The following IFNAR1 variants were observed in gnomAD, a reference collection of about 807,000 sequenced individuals.
IFNAR1 encodes the protein interferon alpha and beta receptor subunit 1, also known as interferon alpha/beta receptor 1.
Under a neutral mutation model 62.1 loss-of-function variants are expected in IFNAR1, and 47 were observed. The ratio of observed to expected loss-of-function variants is 0.76; its 90% CI spans 0.60 to 0.97. IFNAR1 has a LOEUF of 0.97. Ranked by LOEUF, IFNAR1 falls within the 50% of genes least tolerant of loss-of-function variation. The probability of loss-of-function intolerance (pLI) is 0.00; values close to 1 mark genes in which losing one functional copy is unlikely to be tolerated. For missense variants in IFNAR1, 638 were observed against 654.5 expected (o/e 0.97, Z 0.27); for synonymous variants, 219 against 226.9 (o/e 0.97, Z 0.31).
Position 33,341,002 on chromosome 21 carries a change from T to C in IFNAR1, c.204T>C (p.Thr68=), listed in dbSNP as rs1035167090. ...NVTFSFDYQK[T]GMDNWIKLSG... ...ATTTGTTTTTTTTACTTTAAAGAACTGGGATGGATAATTGGATAAAATTGT... is the reference window on the plus strand; with the variant it reads ...ATTTGTTTTTTTTACTTTAAAGAACCGGGATGGATAATTGGATAAAATTGT... Residue 68 remains threonine, a synonymous_variant, in exon 3 of 11, where the codon ACT becomes ACC. Coordinates refer to ENST00000270139, the MANE Select transcript of IFNAR1 (RefSeq NM_000629.3). 2 of 1,600,642 alleles carry C rather than the reference T, an allele frequency of 1.2e-6. No individual in the cohort carries two copies. The highest frequency in any genetic ancestry group is 1.3e-5 in the African/African-American group (1 of 74,352).
At chr21:33,332,042 C>T (rs2083186556) in intron 1 of IFNAR1, among the ~76,000 whole-genome samples, 1 of 152,144 alleles carries the variant, frequency 6.6e-6, no homozygotes, top group East Asian at 1.9e-4. Flanking sequence ...GAGCCTAGGA[C>T]CTTTGCCCAG....
intron 6 of IFNAR1, among the ~76,000 whole-genome samples, chr21:33,347,044 A>G (rs1231224083): frequency 6.6e-6 from 1 of 152,092 alleles, no homozygotes; most frequent in Non-Finnish European, 1.5e-5. Flanking sequence ...TCCCAAGCTC[A>G]CATGTTGTTG....
chr21:33,324,669 C>A (rs1349444430), upstream of IFNAR1: 1 of 215,290 alleles, frequency 4.6e-6, no homozygotes, highest in East Asian at 1.1e-4. Flanking sequence ...AAGGTCAAGG[C>A]CTCCTGTGAG....
At chr21:33,331,159 T>G (rs1040727991) in intron 1 of IFNAR1, among the ~76,000 whole-genome samples, 9 of 152,092 alleles carry the variant, frequency 5.9e-5, no homozygotes, top group Non-Finnish European at 1.2e-4. Flanking sequence ...CAAGCAGAGG[T>G]GGAACTACTC....
rs2083381784 is a variant in IFNAR1, at chr21:33,349,563, T to C, written c.1143+20T>C. The C allele has an allele frequency of 6.7e-7, 1 of 1,502,140 alleles. No individual in the cohort carries two copies. The highest frequency in any genetic ancestry group is 2.3e-5 in the East Asian group (1 of 44,026). 93.1% of individuals were successfully genotyped at this position (1,502,140 alleles called of 1,614,324 possible). A position where few individuals can be genotyped will look rare whatever the true frequency, so the allele number is the denominator to read the frequency against. ...GCTGAGGTAAAAAGACTGTATAGTA[T>C]AATTTTGTAACTTAGAGTTATAATT... On this transcript the variant is annotated intron_variant, in intron 8 of 10. Transcript: ENST00000270139.
chr21:33,338,187 C>T (rs2083260205), intron 2 of IFNAR1, among the ~76,000 whole-genome samples: 1 of 152,036 alleles, frequency 6.6e-6, no homozygotes, highest in African/African-American at 2.4e-5. Context: ...GAAATGCAAA[C>T]GAAACCTGCC....
chr21:33,353,005 C>G (rs2083413583), intron 9 of IFNAR1, 97 bp downstream of exon 9: 3 of 770,528 alleles, frequency 3.9e-6, no homozygotes, highest in Non-Finnish European at 5.7e-6. Context: ...TTTCTCTTTA[C>G]TGCAAAAAAT....
Position 33,343,677 on chromosome 21 carries a change from G to A in IFNAR1, c.673+1G>A. ...CCAGTACATTGTATAAAGACCACAG[G>A]TAAGGAAGATGTTTTGTTTTAGATT... On this transcript the variant is annotated splice_donor_variant, in intron 5 of 10. Transcript: ENST00000270139. LOFTEE classifies it high-confidence loss of function. 1 of 1,572,218 alleles carries A rather than the reference G, an allele frequency of 6.4e-7. No individual in the cohort carries two copies. The highest frequency in any genetic ancestry group is 1.2e-5 in the South Asian group (1 of 85,132).
intron 10 of IFNAR1, among the ~76,000 whole-genome samples, chr21:33,354,956 A>G (rs1452047024): frequency 1.3e-5 from 2 of 152,104 alleles, no homozygotes; most frequent in Non-Finnish European, 2.9e-5. Flanking sequence ...TCTTCTGGAT[A>G]TATATGTGTT....
Position 33,335,637 on chromosome 21 carries a change from G to T in IFNAR1, c.190G>T (p.Asp64Tyr), listed in dbSNP as rs142438988. The change falls in exon 2 of 11, where the codon GAT (aspartate) becomes TAT (tyrosine). Residue 64 changes from aspartate (D) to tyrosine (Y), a missense_variant. Coordinates refer to ENST00000270139, the MANE Select transcript of IFNAR1 (RefSeq NM_000629.3). Reference sequence around the variant, plus strand: ...TGTCGGGAATGTGACTTTTTCATTCGATTATCAAAAGTATGTGACTCTACT... The same window carrying T: ...TGTCGGGAATGTGACTTTTTCATTCTATTATCAAAAGTATGTGACTCTACT... ...ESVGNVTFSF[D>Y]YQKTGMDNWI... 8.9e-6 allele frequency: 14 copies of T among 1,564,628 alleles called. No homozygotes were observed. The highest frequency in any genetic ancestry group is 1.7e-4 in the Middle Eastern group (1 of 5,920).
chr21:33,347,914 G>A (rs1170189494), intron 6 of IFNAR1, among the ~76,000 whole-genome samples: 1 of 152,186 alleles, frequency 6.6e-6, no homozygotes, highest in Non-Finnish European at 1.5e-5. Context: ...GACAAGATTA[G>A]GGTCAACCTC....
In IFNAR1 at chr21:33,356,478, G is replaced by A. The variant is rs1156433680; in HGVS notation, c.*929G>A. 5.9e-5 allele frequency: 9 copies of A among 152,160 alleles called. No individual in the cohort carries two copies. Among genetic ancestry groups the A allele is most frequent in the African/African-American group, 2.2e-4 (9 of 41,432 alleles). 9.4% of individuals were successfully genotyped at this position (152,160 alleles called of 1,614,324 possible). ...AGGGACTTCTGTTCATTCATCCCGA[G>A]AACATTGGCTTCCACATCACAGTAT... On this transcript the variant is annotated 3_prime_UTR_variant, in exon 11 of 11. Coordinates refer to ENST00000270139, the MANE Select transcript of IFNAR1 (RefSeq NM_000629.3).
rs532231807 is a variant in IFNAR1 at position 33,343,738 on chromosome 21, C to T, written c.673+62C>T. On this transcript the variant is annotated intron_variant, in intron 5 of 10. Transcript: ENST00000270139. ...ATAAACAGATTGTCAATTTTGGCAT[C>T]TTCCCCATATTGCTGAAGTTTACAT... 15 of 1,168,156 alleles carry T rather than the reference C, an allele frequency of 1.3e-5. No individual in the cohort carries two copies. In the South Asian group the frequency reaches 2.2e-4, roughly 17 times the overall value. 72.4% of individuals were successfully genotyped at this position (1,168,156 alleles called of 1,614,324 possible). A position where few individuals can be genotyped will look rare whatever the true frequency, so the allele number is the denominator to read the frequency against.
intron 3 of IFNAR1, among the ~76,000 whole-genome samples, chr21:33,342,744 C>T (rs1215461190): frequency 2.6e-5 from 4 of 151,212 alleles, no homozygotes; most frequent in African/African-American, 9.7e-5. Context: ...GTAGTCCCAG[C>T]TACTCGGGAG....
chr21:33,335,632 C>T lies in IFNAR1; in HGVS notation c.185C>T (p.Ser62Leu). Residue 62 changes from serine to leucine, a missense_variant, in exon 2 of 11, where the codon TCA (serine) becomes TTA (leucine). Transcript: ENST00000270139. ...GAGTCTGTCGGGAATGTGACTTTTT[C>T]ATTCGATTATCAAAAGTATGTGACT... ...SDESVGNVTF[S>L]FDYQKTGMDN... 4.5e-6 allele frequency: 7 copies of T among 1,570,348 alleles called. No individual in the cohort carries two copies. The highest frequency in any genetic ancestry group is 6.0e-6 in the Non-Finnish European group (7 of 1,157,806).
chr21:33,338,195 G>A (rs2083260395), intron 2 of IFNAR1, among the ~76,000 whole-genome samples: 1 of 152,088 alleles, frequency 6.6e-6, no homozygotes, highest in South Asian at 2.1e-4. Flanking sequence ...AACGAAACCT[G>A]CCATGAGATA....
chr21:33,333,614 AT>A (rs59240203), intron 1 of IFNAR1, among the ~76,000 whole-genome samples: 1,470 of 107,102 alleles, frequency 0.014, 69 homozygotes, highest in African/African-American at 0.054. Flanking sequence ...CTGGCGGAAT[AT>A]TTTTTTTTTT....
At chr21:33,338,990 C>G (rs928277405) in intron 2 of IFNAR1, among the ~76,000 whole-genome samples, 1 of 152,064 alleles carries the variant, frequency 6.6e-6, no homozygotes, top group Non-Finnish European at 1.5e-5. Context: ...GATCCACCCC[C>G]CTCGGCCTCC....
In IFNAR1 at chr21:33,356,800, C is replaced by T. The variant is rs181822544; in HGVS notation, c.*1251C>T. ...AAGAATGCTTCCCTAGGAAAAAGGTCGCTGGCTTTGGTGCAAGAGGAAGAA... is the reference window on the plus strand; with the variant it reads ...AAGAATGCTTCCCTAGGAAAAAGGTTGCTGGCTTTGGTGCAAGAGGAAGAA... On this transcript the variant is annotated 3_prime_UTR_variant, in exon 11 of 11. Transcript: ENST00000270139. 5 of 152,254 alleles carry T rather than the reference C, an allele frequency of 3.3e-5. No individual in the cohort carries two copies. Among genetic ancestry groups the T allele is most frequent in the African/African-American group, 9.6e-5 (4 of 41,538 alleles). The allele number at this position is 152,254 out of a possible 1,614,324, so 9.4% of individuals were successfully genotyped here. A position where few individuals can be genotyped will look rare whatever the true frequency, so the allele number is the denominator to read the frequency against.
Sources: gnomAD v4.1 joint callset for allele counts (sites outside exome capture counted in the v4.1 genomes callset) on GRCh38, gnomAD v4.1.1 for gene constraint, MANE v1.5 for transcripts, NCBI Gene and HGNC (gene_info 2026-07-23, HGNC 2026-07-21) for gene names.